The following THUMPD2 variants were observed in gnomAD, a reference collection of about 807,000 sequenced individuals.
The protein encoded by THUMPD2 is THUMP domain 2 tRNA and snRNA guanosine methyltransferase, also known as U6 snRNA (guanine-N(2))-methyltransferase THUMPD2.
THUMPD2 carries 56 observed loss-of-function variants against 49.4 expected under a neutral mutation model. The observed-to-expected ratio is 1.13, with a 90% CI of 0.91 to 1.41. The LOEUF (loss-of-function observed/expected upper bound fraction) is 1.41, where lower values mean the gene tolerates loss of function less well. THUMPD2 is among the 40% of genes most tolerant of loss of function. THUMPD2 has a pLI of 0.00. For missense variants in THUMPD2, 709 were observed against 594.5 expected (o/e 1.19, Z -2.00); for synonymous variants, 237 against 205.2 (o/e 1.15, Z -1.32).
At chr2:39,760,287 G>C (rs934857481) in intron 6 of THUMPD2, among the ~76,000 whole-genome samples, 6 of 152,132 alleles carry the variant, frequency 3.9e-5, no homozygotes, top group Non-Finnish European at 5.9e-5. Context: ...GGGAAAATTG[G>C]AGTGCCTTGG....
chr2:39,759,921 G>A (rs545581694), intron 6 of THUMPD2, among the ~76,000 whole-genome samples: 1 of 152,294 alleles, frequency 6.6e-6, no homozygotes, highest in Admixed American at 6.5e-5. Flanking sequence ...CTTTACCCAA[G>A]CAATAAGTAA....
chr2:39,773,110 G>C (rs780809767), intron 1 of THUMPD2, among the ~76,000 whole-genome samples: 1 of 152,076 alleles, frequency 6.6e-6, no homozygotes, highest in African/African-American at 2.4e-5. Context: ...CAGAACTTCC[G>C]GTTTCTAGAA....
At chr2:39,769,271 C>T in intron 3 of THUMPD2, 1 of 291,330 alleles carries the variant, frequency 3.4e-6, no homozygotes. Flanking sequence ...TCTTAAACAT[C>T]TGAGGAAAAA....
At chr2:39,771,667 G>T in intron 1 of THUMPD2, 27 bp from the exon 2 acceptor site, 1 of 1,580,040 alleles carries the variant, frequency 6.3e-7, no homozygotes, top group Non-Finnish European at 8.5e-7. Flanking sequence ...AGCTTTTAAT[G>T]TAGTCCAGTG....
intron 5 of THUMPD2, 60 bp downstream of exon 5, chr2:39,765,997 C>A: frequency 7.3e-7 from 1 of 1,368,310 alleles, no homozygotes; most frequent in Non-Finnish European, 1.0e-6. Flanking sequence ...AAATAAAAAA[C>A]ACAAGTTCTT....
intron 4 of THUMPD2, among the ~76,000 whole-genome samples, chr2:39,767,623 G>A (rs781487678): frequency 0.012 from 1,053 of 90,580 alleles, 1 homozygote; most frequent in East Asian, 0.025. Context: ...AAAAAAAAAA[G>A]AATTGGAAAG....
intron 6 of THUMPD2, among the ~76,000 whole-genome samples, chr2:39,756,734 T>G (rs1343480988): frequency 6.6e-6 from 1 of 152,078 alleles, no homozygotes; most frequent in Non-Finnish European, 1.5e-5. Flanking sequence ...GCTTGACAAT[T>G]ATACGGTAAC....
chr2:39,755,725 T>C (rs569829837), intron 7 of THUMPD2, among the ~76,000 whole-genome samples, 164 bp downstream of exon 7: 6 of 150,648 alleles, frequency 4.0e-5, no homozygotes, highest in Non-Finnish European at 7.4e-5. Context: ...AGAAACAACA[T>C]AGCAATTTCA....
intron 2 of THUMPD2, among the ~76,000 whole-genome samples, chr2:39,770,505 A>G (rs1261426697): frequency 1.3e-5 from 2 of 152,088 alleles, no homozygotes; most frequent in Non-Finnish European, 2.9e-5. Flanking sequence ...AAAAAAATAA[A>G]CTGAAAAACT....
At chr2:39,749,738 C>T (rs892089925) in intron 8 of THUMPD2, among the ~76,000 whole-genome samples, 1 of 152,126 alleles carries the variant, frequency 6.6e-6, no homozygotes, top group Non-Finnish European at 1.5e-5. Context: ...AGCTATTCTT[C>T]CTAATGCTCT....
intron 9 of THUMPD2, among the ~76,000 whole-genome samples, chr2:39,743,571 C>T (rs1674187337): frequency 6.6e-6 from 1 of 152,228 alleles, no homozygotes; most frequent in East Asian, 1.9e-4. Context: ...AGATTAATGC[C>T]CTCCCTGTGA....
intron 9 of THUMPD2, 152 bp from the exon 10 acceptor site, chr2:39,737,211 T>G (rs1401567522): frequency 1.5e-6 from 1 of 687,360 alleles, no homozygotes; most frequent in African/African-American, 1.8e-5. Context: ...GTATCTTCTA[T>G]AATGTATATT....
At chr2:39,750,776 G>C (rs1403008014) in intron 8 of THUMPD2, among the ~76,000 whole-genome samples, 1 of 152,192 alleles carries the variant, frequency 6.6e-6, no homozygotes, top group Admixed American at 6.5e-5. Context: ...TCTATAAACA[G>C]ACTTGTTTCA....
chr2:39,778,750 A>G (rs1679446606), intron 1 of THUMPD2, among the ~76,000 whole-genome samples: 1 of 152,244 alleles, frequency 6.6e-6, no homozygotes, highest in South Asian at 2.1e-4. Flanking sequence ...AAAGTCAGGT[A>G]ACTGAACTTG....
At chr2:39,745,367 T>G (rs1674431978) in intron 8 of THUMPD2, among the ~76,000 whole-genome samples, 1 of 152,194 alleles carries the variant, frequency 6.6e-6, no homozygotes, top group Non-Finnish European at 1.5e-5. Context: ...GTTCTAACCC[T>G]TATGTGGGGT....
chr2:39,769,118 G>C, intron 3 of THUMPD2: 1 of 1,299,638 alleles, frequency 7.7e-7, no homozygotes, highest in Non-Finnish European at 1.0e-6. Flanking sequence ...CACTGAATAA[G>C]CACAAAGCTG....
At chr2:39,757,000 T>G (rs1005542317) in intron 6 of THUMPD2, among the ~76,000 whole-genome samples, 1 of 149,970 alleles carries the variant, frequency 6.7e-6, no homozygotes, top group Non-Finnish European at 1.5e-5. Flanking sequence ...CTTCTGGGTA[T>G]GACAAGGTCT....
chr2:39,739,453 AG>A (rs974341677), intron 9 of THUMPD2, among the ~76,000 whole-genome samples: 12 of 152,198 alleles, frequency 7.9e-5, no homozygotes, highest in African/African-American at 2.7e-4. Context: ...TAGCTAGGGT[AG>A]CCACTACTTT....
chr2:39,756,838 T>C (rs938124934), intron 6 of THUMPD2, among the ~76,000 whole-genome samples: 1 of 152,012 alleles, frequency 6.6e-6, no homozygotes, highest in Admixed American at 6.6e-5. Context: ...TCTTAGTTAA[T>C]GGTCTTTCTC....
Sources: gnomAD v4.1 joint callset for allele counts (sites outside exome capture counted in the v4.1 genomes callset) on GRCh38, gnomAD v4.1.1 for gene constraint, MANE v1.5 for transcripts, NCBI Gene and HGNC (gene_info 2026-07-23, HGNC 2026-07-21) for gene names.